TAFA1: variants seen among roughly 807,000 people sequenced by gnomAD.
TAFA1 encodes the protein TAFA chemokine like family member 1.
A neutral mutation model predicts 18.5 loss-of-function variants in TAFA1; 4 were observed. That is an observed-to-expected ratio of 0.22 (90% CI 0.11 to 0.49). The LOEUF (loss-of-function observed/expected upper bound fraction) is 0.49, where lower values mean the gene tolerates loss of function less well. Among genes scored for constraint, TAFA1 ranks in the 20% least tolerant of loss-of-function variants. TAFA1 has a pLI of 0.98. For missense variants in TAFA1, 147 were observed against 169.0 expected (o/e 0.87, Z 0.72); for synonymous variants, 56 against 55.2 (o/e 1.01, Z -0.06).
At chr3:68,065,400 C>T (rs527737418) in intron 2 of TAFA1, among the ~76,000 whole-genome samples, 18 of 152,134 alleles carry the variant, frequency 1.2e-4, no homozygotes, top group African/African-American at 4.1e-4. Context: ...CTTGCTGTGA[C>T]GGGCAATGTA....
chr3:68,128,833 AAG>A (rs931347952), intron 2 of TAFA1, among the ~76,000 whole-genome samples: 5 of 152,202 alleles, frequency 3.3e-5, no homozygotes, highest in Non-Finnish European at 5.9e-5. Context: ...ACAAAGAAGA[AAG>A]AGAGAAAAGG....
chr3:68,167,359 C>T (rs957751672), intron 2 of TAFA1, among the ~76,000 whole-genome samples: 2 of 152,204 alleles, frequency 1.3e-5, no homozygotes, highest in East Asian at 3.9e-4. Flanking sequence ...AGGCGGATCA[C>T]GAGGTCAGGA....
At chr3:68,188,933 G>A (rs2066305209) in intron 2 of TAFA1, among the ~76,000 whole-genome samples, 1 of 151,794 alleles carries the variant, frequency 6.6e-6, no homozygotes, top group East Asian at 1.9e-4. Flanking sequence ...CTTTGAATGG[G>A]GACGACTTGT....
the TAFA1 span, among the ~76,000 whole-genome samples, chr3:67,995,324 G>A: frequency 6.6e-6 from 1 of 152,042 alleles, no homozygotes; most frequent in African/African-American, 2.4e-5. Flanking sequence ...TTTGAAAAAC[G>A]CTATTGCTTG....
chr3:68,494,430 G>A (rs2072506735), intron 3 of TAFA1, among the ~76,000 whole-genome samples: 1 of 152,056 alleles, frequency 6.6e-6, no homozygotes, highest in Non-Finnish European at 1.5e-5. Flanking sequence ...TTTCTCTGTA[G>A]GATAACCCAG....
At chr3:68,120,697 C>T (rs912979157) in intron 2 of TAFA1, among the ~76,000 whole-genome samples, 2 of 152,058 alleles carry the variant, frequency 1.3e-5, no homozygotes, top group South Asian at 2.1e-4. Flanking sequence ...TTCTGTGCAA[C>T]GGATATTTAT....
intron 2 of TAFA1, among the ~76,000 whole-genome samples, chr3:68,089,578 C>T (rs189962932): frequency 3.9e-5 from 6 of 152,088 alleles, no homozygotes; most frequent in African/African-American, 9.7e-5. Flanking sequence ...TGGAGGCATG[C>T]GGGTTATTAA....
At chr3:68,403,816 A>G (rs2070542269) in intron 2 of TAFA1, among the ~76,000 whole-genome samples, 1 of 152,194 alleles carries the variant, frequency 6.6e-6, no homozygotes, top group South Asian at 2.1e-4. Context: ...AGAGCCCTGG[A>G]AGGTCTTGCA....
At chr3:68,159,420 G>A (rs552583346) in intron 2 of TAFA1, among the ~76,000 whole-genome samples, 19 of 152,262 alleles carry the variant, frequency 1.2e-4, no homozygotes, top group East Asian at 9.7e-4. Flanking sequence ...ATGCCAGAAC[G>A]TCTGTGGTCA....
chr3:68,146,477 A>G (rs2065743045), intron 2 of TAFA1, among the ~76,000 whole-genome samples: 1 of 152,204 alleles, frequency 6.6e-6, no homozygotes, highest in African/African-American at 2.4e-5. Context: ...GGAGATGTTC[A>G]ACACCCAAAG....
intron 2 of TAFA1, among the ~76,000 whole-genome samples, chr3:68,087,589 TCC>T (rs2064986391): frequency 1.4e-5 from 2 of 138,734 alleles, no homozygotes; most frequent in South Asian, 2.7e-4. Context: ...CTTCCTTCCT[TCC>T]TTCCATTCTT....
chr3:68,331,856 CTTTTTTTTTTTT>C (rs60291932), intron 2 of TAFA1, among the ~76,000 whole-genome samples: 1 of 76,198 alleles, frequency 1.3e-5, no homozygotes, highest in African/African-American at 5.4e-5. Flanking sequence ...CTTTTCTTTT[CTTTTTTTTTTTT>C]TTTTTTTTTT....
At chr3:68,352,264 C>T (rs2069283400) in intron 2 of TAFA1, among the ~76,000 whole-genome samples, 1 of 151,886 alleles carries the variant, frequency 6.6e-6, no homozygotes, top group South Asian at 2.1e-4. Flanking sequence ...GACAGATTAA[C>T]AAGAGAAAAC....
chr3:68,129,403 T>A (rs1267075785), intron 2 of TAFA1, among the ~76,000 whole-genome samples: 1 of 152,224 alleles, frequency 6.6e-6, no homozygotes, highest in African/African-American at 2.4e-5. Flanking sequence ...TTGGATGAAC[T>A]ACTGCAAGAT....
At chr3:68,207,568 A>G (rs1293569727) in intron 2 of TAFA1, among the ~76,000 whole-genome samples, 2 of 151,930 alleles carry the variant, frequency 1.3e-5, no homozygotes, top group Non-Finnish European at 2.9e-5. Flanking sequence ...TAAGTCTAGC[A>G]GTCACTGTTT....
At chr3:68,182,370 G>A (rs753162490) in intron 2 of TAFA1, among the ~76,000 whole-genome samples, 2 of 152,144 alleles carry the variant, frequency 1.3e-5, no homozygotes, top group Non-Finnish European at 2.9e-5. Flanking sequence ...TGCTCAGTAT[G>A]GAGATACAAA....
chr3:68,324,166 C>CT (rs5849824), intron 2 of TAFA1, among the ~76,000 whole-genome samples: 1 of 151,952 alleles, frequency 6.6e-6, no homozygotes, highest in African/African-American at 2.4e-5. Flanking sequence ...ATAATATAGA[C>CT]TTTTTTTCAT....
chr3:68,168,560 A>G (rs1374408861), intron 2 of TAFA1, among the ~76,000 whole-genome samples: 1 of 152,252 alleles, frequency 6.6e-6, no homozygotes, highest in East Asian at 1.9e-4. Flanking sequence ...GTTGAAATCC[A>G]GAAATGACTG....
intron 2 of TAFA1, among the ~76,000 whole-genome samples, chr3:68,274,512 A>G (rs1191018236): frequency 6.6e-6 from 1 of 152,184 alleles, no homozygotes; most frequent in African/African-American, 2.4e-5. Context: ...GTTTGCAAAA[A>G]TCGTTCTGCA....
Sources: gnomAD v4.1 joint callset for allele counts (sites outside exome capture counted in the v4.1 genomes callset) on GRCh38, gnomAD v4.1.1 for gene constraint, MANE v1.5 for transcripts, NCBI Gene and HGNC (gene_info 2026-07-23, HGNC 2026-07-21) for gene names.